The following MYLK4 variants were observed in gnomAD, a reference collection of about 807,000 sequenced individuals.
The protein encoded by MYLK4 is myosin light chain kinase family member 4, also known as caMLCK like.
In MYLK4, 46 loss-of-function variants were observed where a neutral mutation model predicts 48.1. The ratio of observed to expected loss-of-function variants is 0.96; its 90% CI spans 0.75 to 1.22. MYLK4 has a LOEUF of 1.22. Among genes scored for constraint, MYLK4 ranks in the 50% most tolerant of loss-of-function variants. MYLK4 has a pLI of 0.00. For synonymous variants in MYLK4, 170 were observed against 180.8 expected, an observed-to-expected ratio of 0.94 and a Z score of 0.48; for missense variants, 451 against 486.1, an observed-to-expected ratio of 0.93 and a Z score of 0.68.
chr6:2,762,189 A>G, the MYLK4 span, among the ~76,000 whole-genome samples: 1 of 152,044 alleles, frequency 6.6e-6, no homozygotes, highest in Non-Finnish European at 1.5e-5. Flanking sequence ...GGATTACCGG[A>G]GTTTATATTA....
At chr6:2,735,675 A>G (rs1763645075) in intron 2 of MYLK4, among the ~76,000 whole-genome samples, 1 of 152,166 alleles carries the variant, frequency 6.6e-6, no homozygotes, top group African/African-American at 2.4e-5. Context: ...TATTTATCAC[A>G]CAGGGCCCCA....
chr6:2,752,578 G>C (rs773667319), upstream of MYLK4, among the ~76,000 whole-genome samples: 2 of 152,152 alleles, frequency 1.3e-5, no homozygotes, highest in Non-Finnish European at 2.9e-5. Flanking sequence ...GATGGAGACG[G>C]CTGTGGGAAG....
the MYLK4 span, chr6:2,770,303 G>A: frequency 1.4e-5 from 23 of 1,614,022 alleles, no homozygotes; most frequent in Admixed American, 1.8e-4. Context: ...GGGAATCCAC[G>A]TCCTAGACTC....
upstream of MYLK4, among the ~76,000 whole-genome samples, chr6:2,751,737 T>TAA (rs940971855): frequency 6.7e-6 from 1 of 149,272 alleles, no homozygotes. Context: ...CTGCTTCTTT[T>TAA]AAAAAAAAAA....
rs887182598 is a variant in MYLK4, at chr6:2,667,302, T to A, written c.*623A>T. 4.6e-5 allele frequency: 7 copies of A among 152,226 alleles called. No individual in the cohort carries two copies. Among genetic ancestry groups the A allele is most frequent in the African/African-American group, 1.7e-4 (7 of 41,462 alleles). 9.4% of individuals were successfully genotyped at this position (152,226 alleles called of 1,614,324 possible). ...AATTCAGAATAAATGAAAGACACAG[T>A]GGCTGATGCCTCTTGTTGGAGAATT... On this transcript the variant is annotated 3_prime_UTR_variant, in exon 13 of 13. Coordinates refer to ENST00000274643, the MANE Select transcript of MYLK4 (RefSeq NM_001012418.5).
At chr6:2,740,568 T>C (rs1375140951) in intron 2 of MYLK4, among the ~76,000 whole-genome samples, 1 of 152,150 alleles carries the variant, frequency 6.6e-6, no homozygotes, top group African/African-American at 2.4e-5. Flanking sequence ...AACTCAACCT[T>C]GTTGGGGCTT....
At chr6:2,708,930 T>A (rs1762583170) in intron 2 of MYLK4, among the ~76,000 whole-genome samples, 1 of 152,234 alleles carries the variant, frequency 6.6e-6, no homozygotes. Flanking sequence ...ATTGTCCCCA[T>A]TCTTTTAGAA....
rs1039560635 is a variant in MYLK4 at position 2,665,770 on chromosome 6, T to A, written c.*2155A>T. ...AGGGGCTTCAAATCAGACCCCTGTGTCCTGTTTAGCATTTGAGTGAATGCC... is the reference window on the plus strand; with the variant it reads ...AGGGGCTTCAAATCAGACCCCTGTGACCTGTTTAGCATTTGAGTGAATGCC... On this transcript the variant is annotated 3_prime_UTR_variant, in exon 13 of 13. Coordinates refer to ENST00000274643, the MANE Select transcript of MYLK4 (RefSeq NM_001012418.5). 3 of 152,230 alleles carry A rather than the reference T, an allele frequency of 2.0e-5. No individual in the cohort carries two copies. The highest frequency in any genetic ancestry group is 7.2e-5 in the African/African-American group (3 of 41,454). 9.4% of individuals were successfully genotyped at this position (152,230 alleles called of 1,614,324 possible).
intron 2 of MYLK4, among the ~76,000 whole-genome samples, chr6:2,742,556 A>G (rs1356148126): frequency 2.0e-5 from 3 of 151,430 alleles, no homozygotes; most frequent in Admixed American, 1.3e-4. Flanking sequence ...TGATGAGTTC[A>G]TGTCCTTTGT....
At position 2,683,018 on chromosome 6, in the gene MYLK4, T is replaced by C. The variant is rs1425369099; in HGVS notation, c.687+3A>G. 5 of 1,614,180 alleles carry C rather than the reference T, an allele frequency of 3.1e-6. No individual in the cohort carries two copies. The highest frequency in any genetic ancestry group is 1.6e-4 in the Middle Eastern group (1 of 6,062). On this transcript the variant is annotated splice_donor_region_variant and intron_variant, in intron 7 of 12. Coordinates refer to ENST00000274643, the MANE Select transcript of MYLK4 (RefSeq NM_001012418.5). ...CGTCTCACAGGATACAAAACACCCTTACCTTCAGGTCCAAGTGGAGAATGT... is the reference window on the plus strand; with the variant it reads ...CGTCTCACAGGATACAAAACACCCTCACCTTCAGGTCCAAGTGGAGAATGT...
intron 4 of MYLK4, among the ~76,000 whole-genome samples, chr6:2,688,482 C>A (rs1761645804): frequency 6.6e-6 from 1 of 152,128 alleles, no homozygotes; most frequent in African/African-American, 2.4e-5. Context: ...AAATGAAAAA[C>A]CAGCAGCAAT....
At chr6:2,763,245 A>C in the MYLK4 span, among the ~76,000 whole-genome samples, 5 of 152,340 alleles carry the variant, frequency 3.3e-5, no homozygotes, top group African/African-American at 9.6e-5. Context: ...CCAAGTCCCC[A>C]CCAGACTCAG....
intron 2 of MYLK4, among the ~76,000 whole-genome samples, chr6:2,706,645 G>A (rs904653059): frequency 6.6e-5 from 10 of 152,164 alleles, no homozygotes; most frequent in Non-Finnish European, 1.2e-4. Flanking sequence ...GGAGCCAGGA[G>A]GGGCTGGCTT....
At chr6:2,728,510 C>A (rs1351286784) in intron 2 of MYLK4, among the ~76,000 whole-genome samples, 1 of 152,120 alleles carries the variant, frequency 6.6e-6, no homozygotes, top group African/African-American at 2.4e-5. Context: ...TTGGCATCCT[C>A]ATCTCCTGCC....
At chr6:2,680,109 A>AT in intron 8 of MYLK4, 112 bp downstream of exon 8, 2 of 1,242,592 alleles carry the variant, frequency 1.6e-6, no homozygotes, top group Non-Finnish European at 2.2e-6. Flanking sequence ...TGTTAAATTA[A>AT]TTATAAATGA....
At chr6:2,766,944 C>T in the MYLK4 span, among the ~76,000 whole-genome samples, 2 of 152,214 alleles carry the variant, frequency 1.3e-5, no homozygotes, top group African/African-American at 4.8e-5. Context: ...GGTATTTATT[C>T]TTAAGAATAA....
At chr6:2,729,303 G>A (rs924960028) in intron 2 of MYLK4, among the ~76,000 whole-genome samples, 1 of 152,208 alleles carries the variant, frequency 6.6e-6, no homozygotes, top group African/African-American at 2.4e-5. Context: ...GGAGGATGAG[G>A]AAAGACAGAT....
intron 2 of MYLK4, among the ~76,000 whole-genome samples, chr6:2,695,614 C>A (rs1762032023): frequency 1.3e-5 from 2 of 152,128 alleles, no homozygotes; most frequent in African/African-American, 4.8e-5. Flanking sequence ...TATTCATTGC[C>A]AAAGGCTGTT....
At chr6:2,699,549 G>A (rs561507593) in intron 2 of MYLK4, among the ~76,000 whole-genome samples, 1 of 151,042 alleles carries the variant, frequency 6.6e-6, no homozygotes, top group East Asian at 1.9e-4. Flanking sequence ...CACCTGCCTC[G>A]GCCTCCCAAA....
Sources: gnomAD v4.1 joint callset for allele counts (sites outside exome capture counted in the v4.1 genomes callset) on GRCh38, gnomAD v4.1.1 for gene constraint, MANE v1.5 for transcripts, NCBI Gene and HGNC (gene_info 2026-07-23, HGNC 2026-07-21) for gene names.